The following GREM2 variants were observed in gnomAD, a reference collection of about 807,000 sequenced individuals.
The protein encoded by GREM2 is gremlin 2, DAN family BMP antagonist, also known as gremlin-2.
A neutral mutation model predicts 14.2 loss-of-function variants in GREM2; 11 were observed. That is an observed-to-expected ratio of 0.78 (90% CI 0.49 to 1.28). The LOEUF (loss-of-function observed/expected upper bound fraction) is 1.28, where lower values mean the gene tolerates loss of function less well. GREM2 is among the 50% of genes most tolerant of loss of function. GREM2 has a pLI of 0.00. For synonymous variants in GREM2, 98 were observed against 97.6 expected (o/e 1.00, Z -0.02); for missense variants, 210 against 218.5 (o/e 0.96, Z 0.24).
At chr1:240,608,883 A>G (rs1417454534) in intron 1 of GREM2, among the ~76,000 whole-genome samples, 2 of 152,158 alleles carry the variant, frequency 1.3e-5, no homozygotes, top group Non-Finnish European at 2.9e-5. Context: ...CCTCATGGTC[A>G]GGGGGAGGTA....
At chr1:240,504,132 A>C (rs558590029) in intron 1 of GREM2, among the ~76,000 whole-genome samples, 2 of 152,340 alleles carry the variant, frequency 1.3e-5, no homozygotes, top group East Asian at 3.9e-4. Context: ...TTTAATGCCT[A>C]TCTAGCTATC....
intron 1 of GREM2, among the ~76,000 whole-genome samples, chr1:240,500,212 C>G (rs1677537576): frequency 6.6e-6 from 1 of 152,132 alleles, no homozygotes; most frequent in African/African-American, 2.4e-5. Flanking sequence ...CTGAGATGAC[C>G]AGCATCCCAA....
intron 1 of GREM2, among the ~76,000 whole-genome samples, chr1:240,544,308 T>G (rs372450907): frequency 6.6e-6 from 1 of 152,078 alleles, no homozygotes; most frequent in Non-Finnish European, 1.5e-5. Context: ...CCACCACGCC[T>G]GGCTAATTTT....
intron 1 of GREM2, among the ~76,000 whole-genome samples, chr1:240,569,598 C>T (rs1008550057): frequency 4.6e-5 from 7 of 152,060 alleles, no homozygotes; most frequent in Admixed American, 2.0e-4. Context: ...TGTTAGAGAA[C>T]GGATATATAG....
intron 1 of GREM2, among the ~76,000 whole-genome samples, chr1:240,598,351 C>T (rs1458070869): frequency 6.6e-6 from 1 of 152,162 alleles, no homozygotes; most frequent in Non-Finnish European, 1.5e-5. Flanking sequence ...GCATGCTACA[C>T]TGATAATCTG....
intron 1 of GREM2, among the ~76,000 whole-genome samples, chr1:240,544,871 G>C (rs1222564526): frequency 1.3e-5 from 2 of 152,146 alleles, no homozygotes; most frequent in Non-Finnish European, 2.9e-5. Context: ...CCTCTAGTCT[G>C]TGAAAAGTTA....
At chr1:240,550,866 T>C (rs1188872527) in intron 1 of GREM2, among the ~76,000 whole-genome samples, 1 of 152,204 alleles carries the variant, frequency 6.6e-6, no homozygotes, top group Admixed American at 6.5e-5. Flanking sequence ...TTGTCAAACA[T>C]CCTCAGCCTA....
chr1:240,526,806 A>G, intron 1 of GREM2, among the ~76,000 whole-genome samples: 1 of 152,232 alleles, frequency 6.6e-6, no homozygotes, highest in East Asian at 1.9e-4. Flanking sequence ...ATTTACACGC[A>G]GCAAAAAATG....
chr1:240,513,320 TA>T (rs1238039209), intron 1 of GREM2, among the ~76,000 whole-genome samples: 1 of 152,174 alleles, frequency 6.6e-6, no homozygotes, highest in Non-Finnish European at 1.5e-5. Flanking sequence ...CTCACGCCTG[TA>T]ATCCCAGCAC....
chr1:240,593,332 T>C (rs1487968063), intron 1 of GREM2, among the ~76,000 whole-genome samples: 1 of 151,792 alleles, frequency 6.6e-6, no homozygotes, highest in East Asian at 1.9e-4. Flanking sequence ...TTTATCTTAG[T>C]GTCCTGTGCA....
At chr1:240,609,269 C>T (rs749268007) in intron 1 of GREM2, among the ~76,000 whole-genome samples, 5 of 151,996 alleles carry the variant, frequency 3.3e-5, no homozygotes, top group Admixed American at 6.6e-5. Flanking sequence ...GCGCCAACAC[C>T]GTCTGGGTCC....
chr1:240,526,834 G>T (rs1024716169), intron 1 of GREM2, among the ~76,000 whole-genome samples: 1 of 152,210 alleles, frequency 6.6e-6, no homozygotes, highest in Admixed American at 6.5e-5. Flanking sequence ...GATGTCGCCA[G>T]GTTAAAAATT....
chr1:240,528,115 T>G (rs1678266991), intron 1 of GREM2, among the ~76,000 whole-genome samples: 1 of 152,178 alleles, frequency 6.6e-6, no homozygotes, highest in Non-Finnish European at 1.5e-5. Context: ...CATTTAACTC[T>G]CACAATAAAG....
chr1:240,493,336 T>C lies in GREM2; in HGVS notation c.140A>G (p.His47Arg), dbSNP rs1296486574. The C allele has an allele frequency of 6.2e-7, 1 of 1,614,060 alleles. No homozygotes were observed. The highest frequency in any genetic ancestry group is 8.5e-7 in the Non-Finnish European group (1 of 1,180,022). ...GSSNNSERWQ[H>R]QIKEVLASSQ... ...GGAGGCCAGCACCTCCTTGATCTGG[T>C]GCTGCCATCTCTCCGAGTTGTTGCT... The change falls in exon 2 of 2, where the codon CAC becomes CGC. Residue 47 changes from histidine (H) to arginine (R), a missense_variant. His to Arg is a conservative substitution (Grantham distance 29). Coordinates refer to ENST00000318160, the MANE Select transcript of GREM2 (RefSeq NM_022469.4).
chr1:240,550,764 A>C (rs1293743551), intron 1 of GREM2, among the ~76,000 whole-genome samples: 1 of 152,200 alleles, frequency 6.6e-6, no homozygotes, highest in Non-Finnish European at 1.5e-5. Flanking sequence ...TTTTTGTTAC[A>C]AGTTGACTAA....
chr1:240,532,640 T>TAGATAG (rs1558152006), intron 1 of GREM2, among the ~76,000 whole-genome samples: 9 of 104,172 alleles, frequency 8.6e-5, no homozygotes, highest in South Asian at 6.3e-4. Context: ...AAGAGATATA[T>TAGATAG]ATAGATAGAT....
intron 1 of GREM2, among the ~76,000 whole-genome samples, chr1:240,520,366 C>T (rs12122491): frequency 0.25 from 38,380 of 151,918 alleles, 5,271 homozygotes; most frequent in East Asian, 0.46. Flanking sequence ...AAATAACCAC[C>T]TCAACCTTTA....
At chr1:240,502,793 A>C (rs184901539) in intron 1 of GREM2, among the ~76,000 whole-genome samples, 1 of 152,220 alleles carries the variant, frequency 6.6e-6, no homozygotes, top group Admixed American at 6.5e-5. Context: ...CAGAACCATA[A>C]TTTGTTCAGG....
At chr1:240,610,787 A>G (rs753642991) in intron 1 of GREM2, among the ~76,000 whole-genome samples, 1 of 152,198 alleles carries the variant, frequency 6.6e-6, no homozygotes, top group Non-Finnish European at 1.5e-5. Context: ...CTCTGGCTGT[A>G]CTGGAGTCCC....
Sources: gnomAD v4.1 joint callset for allele counts (sites outside exome capture counted in the v4.1 genomes callset) on GRCh38, gnomAD v4.1.1 for gene constraint, MANE v1.5 for transcripts, NCBI Gene and HGNC (gene_info 2026-07-23, HGNC 2026-07-21) for gene names.